INPP5A: variants seen among roughly 807,000 people sequenced by gnomAD.
INPP5A encodes inositol polyphosphate-5-phosphatase A.
In INPP5A, 14 loss-of-function variants were observed where a neutral mutation model predicts 65.2. The ratio of observed to expected loss-of-function variants is 0.21; its 90% CI spans 0.14 to 0.34. The LOEUF (loss-of-function observed/expected upper bound fraction) is 0.34, where lower values mean the gene tolerates loss of function less well. Among genes scored for constraint, INPP5A ranks in the 10% least tolerant of loss-of-function variants. INPP5A has a pLI of 1.00. For missense variants in INPP5A, 431 were observed against 545.6 expected (o/e 0.79, Z 2.09); for synonymous variants, 207 against 208.3 (o/e 0.99, Z 0.05).
chr10:132,604,912 C>G (rs1272459096), intron 1 of INPP5A, among the ~76,000 whole-genome samples: 1 of 152,174 alleles, frequency 6.6e-6, no homozygotes, highest in African/African-American at 2.4e-5. Context: ...CAGAGCAAAG[C>G]AGGTGGAGCG....
At position 132,616,488 on chromosome 10, in the gene INPP5A, G is replaced by C. The variant is rs1280903243; in HGVS notation, c.117+8532G>C. The stretch of plus-strand genomic sequence containing the variant: ...ATGTGGTGGTGGTGTAGAATGTGGT[G>C]CTGATGGATGTGGTGTGTGTGGGAT... On this transcript the variant is annotated intron_variant, in intron 2 of 15. Transcript: ENST00000368594. The surrounding 1 kb of genome is among the most constrained non-coding windows in gnomAD (Gnocchi z 4.9). 2.0e-5 allele frequency among the ~76,000 whole-genome samples: 3 copies of C among 152,136 alleles called. No homozygotes were observed. Among genetic ancestry groups the C allele is most frequent in the African/African-American group, 7.2e-5 (3 of 41,422 alleles).
chr10:132,713,457 A>G (rs993061753), intron 8 of INPP5A, among the ~76,000 whole-genome samples: 1 of 152,048 alleles, frequency 6.6e-6, no homozygotes, highest in African/African-American at 2.4e-5. Context: ...CGGGTTCCCC[A>G]CAGGGCTCTG....
rs778011999 is a variant in INPP5A at position 132,700,823 on chromosome 10, A to G, written c.474+2904A>G. On this transcript the variant is annotated intron_variant, in intron 6 of 15. Transcript: ENST00000368594. ...AGTCTCAGATAATTACAGCCGCAGC[A>G]GAAACTAACAAAACTTTCTCTGCTG... Among the ~76,000 whole-genome samples, 21 of 152,396 alleles carry G rather than the reference A, an allele frequency of 1.4e-4. No homozygotes were observed. The Middle Eastern group carries it at 0.01, about 74-fold the overall frequency.
At chr10:132,601,628 T>C (rs1359309931) in intron 1 of INPP5A, among the ~76,000 whole-genome samples, 1 of 152,268 alleles carries the variant, frequency 6.6e-6, no homozygotes, top group Non-Finnish European at 1.5e-5. Flanking sequence ...TTTATAGTTT[T>C]AGATTTTTGA....
Position 132,644,994 on chromosome 10 carries a change from C to G in INPP5A, c.118-874C>G, listed in dbSNP as rs1037638492. Among the ~76,000 whole-genome samples the G allele has an allele frequency of 6.6e-6, 1 of 152,164 alleles. No homozygotes were observed. Among genetic ancestry groups the G allele is most frequent in the Non-Finnish European group, 1.5e-5 (1 of 68,034 alleles). On this transcript the variant is annotated intron_variant, in intron 2 of 15. Coordinates refer to ENST00000368594, the MANE Select transcript of INPP5A (RefSeq NM_005539.5). This position sits in a 1 kb window ranked among gnomAD's most constrained non-coding sequence, Gnocchi z 6.5. ...GGAAGGAGGGGAGGCCATGTCGATA[C>G]TGCATCCGCTCTCTGAATTCTCTGC...
At chr10:132,662,733 C>T (rs959942885) in intron 4 of INPP5A, among the ~76,000 whole-genome samples, 3 of 152,116 alleles carry the variant, frequency 2.0e-5, no homozygotes, top group Non-Finnish European at 2.9e-5. Context: ...ACACTGCCCA[C>T]CCCACCCGCA....
At chr10:132,665,939 C>T (rs951360127) in intron 4 of INPP5A, among the ~76,000 whole-genome samples, 1 of 151,920 alleles carries the variant, frequency 6.6e-6, no homozygotes, top group Non-Finnish European at 1.5e-5. Context: ...CCTGTAGTCG[C>T]AGCTACTTGG....
At chr10:132,648,240 G>A (rs375648738) in intron 3 of INPP5A, among the ~76,000 whole-genome samples, 15 of 152,404 alleles carry the variant, frequency 9.8e-5, no homozygotes, top group South Asian at 4.1e-4. Flanking sequence ...CACAGCAGGC[G>A]GGGACACCGC....
chr10:132,684,054 T>C (rs1298029637), intron 4 of INPP5A, among the ~76,000 whole-genome samples: 2 of 152,242 alleles, frequency 1.3e-5, no homozygotes, highest in East Asian at 3.8e-4. Context: ...TTATGTAGCA[T>C]TCAAAATAAG....
intron 1 of INPP5A, among the ~76,000 whole-genome samples, chr10:132,564,133 G>T (rs139961554): frequency 6.6e-6 from 1 of 152,220 alleles, no homozygotes; most frequent in Non-Finnish European, 1.5e-5. Context: ...CTCACCTCAC[G>T]ATTTTTTGTC....
Position 132,551,340 on chromosome 10 carries a change from C to G in INPP5A, c.75+13169C>G, listed in dbSNP as rs2071046486. Reference sequence around the variant, plus strand: ...TGACTGCCTGCTGCTTTGTTTCTTGCAAAGAGTGCCTTAGTTAGGGGACAG... The same window carrying G: ...TGACTGCCTGCTGCTTTGTTTCTTGGAAAGAGTGCCTTAGTTAGGGGACAG... On this transcript the variant is annotated intron_variant, in intron 1 of 15. Transcript: ENST00000368594. The surrounding 1 kb of genome is among the most constrained non-coding windows in gnomAD (Gnocchi z 5.3). Among the ~76,000 whole-genome samples, 1 of 152,174 alleles carries G rather than the reference C, an allele frequency of 6.6e-6. No individual in the cohort carries two copies. Among genetic ancestry groups the G allele is most frequent in the African/African-American group, 2.4e-5 (1 of 41,442 alleles).
intron 2 of INPP5A, among the ~76,000 whole-genome samples, chr10:132,622,030 T>A (rs2072116998): frequency 6.6e-6 from 1 of 152,240 alleles, no homozygotes. Flanking sequence ...AAAACTTTAC[T>A]ATTACTATTA....
chr10:132,636,288 C>T (rs1250658791), intron 2 of INPP5A, among the ~76,000 whole-genome samples: 2 of 152,048 alleles, frequency 1.3e-5, no homozygotes, highest in East Asian at 3.9e-4. Context: ...TTTACTTCTT[C>T]CGTGAAACAG....
At chr10:132,556,743 A>G (rs772556008) in intron 1 of INPP5A, among the ~76,000 whole-genome samples, 7 of 150,908 alleles carry the variant, frequency 4.6e-5, no homozygotes, top group Non-Finnish European at 1.0e-4. Flanking sequence ...TTTAATTTGC[A>G]TTGCCTTGGT....
chr10:132,646,269 G>A (rs374379634), intron 3 of INPP5A, among the ~76,000 whole-genome samples: 1 of 152,212 alleles, frequency 6.6e-6, no homozygotes, highest in African/African-American at 2.4e-5. Flanking sequence ...CCGTGTGTGT[G>A]TGTCTGAGGC....
intron 8 of INPP5A, among the ~76,000 whole-genome samples, chr10:132,726,603 C>T (rs1845989409): frequency 6.6e-6 from 1 of 152,202 alleles, no homozygotes; most frequent in South Asian, 2.1e-4. Context: ...AGATGCGTGT[C>T]CGTGTTGCCA....
chr10:132,742,093 A>G (rs1044550659), intron 9 of INPP5A, among the ~76,000 whole-genome samples: 5 of 152,220 alleles, frequency 3.3e-5, no homozygotes, highest in Non-Finnish European at 5.9e-5. Context: ...TGCTCTGTGA[A>G]CTTACTACCA....
intron 1 of INPP5A, among the ~76,000 whole-genome samples, chr10:132,602,648 A>G (rs1381866417): frequency 6.6e-6 from 1 of 152,218 alleles, no homozygotes; most frequent in African/African-American, 2.4e-5. Context: ...ACATAAGAGC[A>G]TATAGTCTGT....
Position 132,538,182 on chromosome 10 carries a change from C to T in INPP5A, c.75+11C>T. On this transcript the variant is annotated intron_variant, in intron 1 of 15. Coordinates refer to ENST00000368594, the MANE Select transcript of INPP5A (RefSeq NM_005539.5). This position sits in a 1 kb window ranked among gnomAD's most constrained non-coding sequence, Gnocchi z 4.1. The stretch of plus-strand genomic sequence containing the variant: ...TCGCTCTTCGACGACGTAAGTCCCC[C>T]GTGCCGGCGGCAGGCCCCAAGCCCG... 7.1e-6 allele frequency: 9 copies of T among 1,272,878 alleles called. No individual in the cohort carries two copies. Among genetic ancestry groups the T allele is most frequent in the Non-Finnish European group, 8.9e-6 (9 of 1,005,686 alleles). 78.8% of individuals were successfully genotyped at this position (1,272,878 alleles called of 1,614,324 possible).
Sources: gnomAD v4.1 joint callset for allele counts (sites outside exome capture counted in the v4.1 genomes callset) on GRCh38, gnomAD v4.1.1 for gene constraint, Gnocchi (gnomAD v3.1) non-coding constraint, MANE v1.5 for transcripts, NCBI Gene and HGNC (gene_info 2026-07-23, HGNC 2026-07-21) for gene names.